Variants in MATK observed in about 807,000 individuals in gnomAD.
The protein encoded by MATK is megakaryocyte-associated tyrosine-protein kinase.
Under a neutral mutation model 59.8 loss-of-function variants are expected in MATK, and 41 were observed. That is an observed-to-expected ratio of 0.69 (90% CI 0.53 to 0.89). MATK has a LOEUF of 0.89. Ranked by LOEUF, MATK falls within the 40% of genes least tolerant of loss-of-function variation. The probability of loss-of-function intolerance (pLI) is 0.00; values close to 1 mark genes in which losing one functional copy is unlikely to be tolerated. For synonymous variants in MATK, 308 were observed against 306.1 expected (o/e 1.01, Z -0.06); for missense variants, 593 against 719.6 (o/e 0.82, Z 2.01).
chr19:3,778,210 G>A lies in MATK; in HGVS notation c.1497C>T (p.Ser499=), dbSNP rs1339842127. The A allele has an allele frequency of 5.1e-6, 8 of 1,568,054 alleles. No homozygotes were observed. In the African/African-American group the frequency reaches 1.1e-4, roughly 22 times the overall value. The change falls in exon 14 of 14, where the codon TCC becomes TCT. Residue 499 remains serine (S), a synonymous_variant. Coordinates refer to ENST00000310132, the MANE Select transcript of MATK (RefSeq NM_139355.3). The part of the protein sequence containing the change: ...ASVSGQDADG[S]TSPRSQEP ...AGGGCTCCTGGCTTCGGGGCGAGGTGGAGCCGTCGGCGTCCTGCCCTGAGA... is the reference window on the plus strand; with the variant it reads ...AGGGCTCCTGGCTTCGGGGCGAGGTAGAGCCGTCGGCGTCCTGCCCTGAGA...
At chr19:3,791,257 C>T (rs1033565421), upstream of MATK, among the ~76,000 whole-genome samples, 1 of 152,066 alleles carries the variant, frequency 6.6e-6, no homozygotes, top group African/African-American at 2.4e-5. Context: ...AGTCCATAAA[C>T]CTGCCTTCCA....
Position 3,784,357 on chromosome 19 carries a change from G to A in MATK, c.227C>T (p.Thr76Ile), listed in dbSNP as rs759357581. The stretch of plus-strand genomic sequence containing the variant: ...TCTCACCTCGCAGGCCTCCAGGATG[G>A]TGACCACGTCGCCCTTGCGGAAGGC... ...ELAFRKGDVV[T>I]ILEACENKSW... Residue 76 changes from threonine to isoleucine, a missense_variant, in exon 4 of 14, where the codon ACC becomes ATC. Thr to Ile is a moderately conservative substitution (Grantham distance 89). Coordinates refer to ENST00000310132, the MANE Select transcript of MATK (RefSeq NM_139355.3). 1 of 1,607,724 alleles carries A rather than the reference G, an allele frequency of 6.2e-7. No homozygotes were observed. Among genetic ancestry groups the A allele is most frequent in the Non-Finnish European group, 8.5e-7 (1 of 1,178,328 alleles).
At chr19:3,790,611 C>T (rs2037531452), upstream of MATK, among the ~76,000 whole-genome samples, 1 of 152,168 alleles carries the variant, frequency 6.6e-6, no homozygotes, top group Non-Finnish European at 1.5e-5. Context: ...CCCATTTTCT[C>T]CTCCTCCCTC....
At chr19:3,790,187 G>A (rs1387992500), upstream of MATK, among the ~76,000 whole-genome samples, 2 of 152,170 alleles carry the variant, frequency 1.3e-5, no homozygotes, top group Admixed American at 1.3e-4. Context: ...GCTCTTTCAG[G>A]CCCCAGAGGT....
At chr19:3,799,439 T>C (rs1397657555) in intron 1 of MATK, among the ~76,000 whole-genome samples, 1 of 152,186 alleles carries the variant, frequency 6.6e-6, no homozygotes, top group Non-Finnish European at 1.5e-5. Context: ...GTCTATGGAA[T>C]AAATGTCAAC....
chr19:3,792,510 CTTTTTTTT>C (rs140778999), intron 1 of MATK, among the ~76,000 whole-genome samples: 2 of 99,746 alleles, frequency 2.0e-5, no homozygotes, highest in Non-Finnish European at 3.7e-5. Flanking sequence ...ATTTCCAACT[CTTTTTTTT>C]TTTTTTTTTT....
chr19:3,789,551 A>G, upstream of MATK: 1 of 495,194 alleles, frequency 2.0e-6, no homozygotes, highest in Non-Finnish European at 3.6e-6. Flanking sequence ...GGGTTCGCAA[A>G]TTGTCAAGGG....
rs772771890 is a variant in MATK, at chr19:3,784,332, T to G, written c.246+6A>C. The G allele has an allele frequency of 6.2e-7, 1 of 1,602,168 alleles. No homozygotes were observed. The highest frequency in any genetic ancestry group is 1.3e-5 in the African/African-American group (1 of 74,868). On this transcript the variant is annotated splice_donor_region_variant and intron_variant, in intron 4 of 13. Transcript: ENST00000310132. ...CAAGCACCCACACCCGCCGGCCACCTCTCACCTCGCAGGCCTCCAGGATGG... is the reference window on the plus strand; with the variant it reads ...CAAGCACCCACACCCGCCGGCCACCGCTCACCTCGCAGGCCTCCAGGATGG...
upstream of MATK, among the ~76,000 whole-genome samples, chr19:3,786,986 G>A (rs900280798): frequency 6.6e-6 from 1 of 152,034 alleles, no homozygotes; most frequent in Admixed American, 6.5e-5. The surrounding 1 kb of genome is among the most constrained non-coding windows in gnomAD (Gnocchi z 4.1). Flanking sequence ...TATGGAGGGT[G>A]GGGGCCCCAC....
chr19:3,793,124 G>T (rs906757882), intron 1 of MATK: 3 of 152,232 alleles, frequency 2.0e-5, no homozygotes, highest in Non-Finnish European at 4.4e-5. Context: ...TTGAACGAAG[G>T]GCCTCTTGGG....
At chr19:3,795,977 G>C (rs562833820) in intron 1 of MATK, among the ~76,000 whole-genome samples, 1 of 151,852 alleles carries the variant, frequency 6.6e-6, no homozygotes, top group East Asian at 1.9e-4. Flanking sequence ...GGCCAGGCTG[G>C]TCTCGAACTC....
chr19:3,785,615 G>A (rs2037471520), intron 1 of MATK: 1 of 195,800 alleles, frequency 5.1e-6, no homozygotes, highest in Non-Finnish European at 1.1e-5. Flanking sequence ...GTACTCACAC[G>A]CATACGGATG....
At chr19:3,788,581 T>A (rs2037511669), upstream of MATK, among the ~76,000 whole-genome samples, 1 of 135,056 alleles carries the variant, frequency 7.4e-6, no homozygotes, top group Admixed American at 8.4e-5. Flanking sequence ...ATCGCGCCAC[T>A]GCACCCCAGC....
chr19:3,788,318 G>A (rs939880831), upstream of MATK, among the ~76,000 whole-genome samples: 4 of 150,240 alleles, frequency 2.7e-5, no homozygotes, highest in Non-Finnish European at 1.5e-5. Context: ...GTGATACCCC[G>A]TCTCTACTAA....
At chr19:3,788,647 G>C (rs2037513223), upstream of MATK, among the ~76,000 whole-genome samples, 1 of 144,470 alleles carries the variant, frequency 6.9e-6, no homozygotes, top group South Asian at 2.2e-4. Context: ...AAAAAATAGA[G>C]ATGGGATCTG....
At chr19:3,789,028 C>T (rs984751560), upstream of MATK, among the ~76,000 whole-genome samples, 6 of 152,118 alleles carry the variant, frequency 3.9e-5, no homozygotes, top group African/African-American at 1.4e-4. Flanking sequence ...TTGTAATTTA[C>T]TATTAGAAGA....
At chr19:3,784,275 T>A (rs1286689545) in intron 4 of MATK, 36 bp from the exon 5 acceptor site, 1 of 1,597,432 alleles carries the variant, frequency 6.3e-7, no homozygotes, top group African/African-American at 1.3e-5. Flanking sequence ...GTGTGGGGGG[T>A]GTGGGGGTGG....
chr19:3,794,889 G>C (rs1271889686), intron 1 of MATK, among the ~76,000 whole-genome samples: 1 of 151,446 alleles, frequency 6.6e-6, no homozygotes, highest in Non-Finnish European at 1.5e-5. Flanking sequence ...AGATAACACA[G>C]AAGCCAAAGA....
chr19:3,799,946 T>C (rs1443614697), intron 1 of MATK, among the ~76,000 whole-genome samples: 1 of 149,368 alleles, frequency 6.7e-6, no homozygotes, highest in South Asian at 2.1e-4. Flanking sequence ...ATCGAGACCA[T>C]CCTGGCTGAC....
Sources: allele counts gnomAD v4.1 joint callset (sites outside exome capture counted in the v4.1 genomes callset), GRCh38; gene constraint gnomAD v4.1.1; non-coding constraint Gnocchi (gnomAD v3.1); transcripts MANE v1.5; gene names NCBI Gene and HGNC (gene_info 2026-07-23, HGNC 2026-07-21).